The following TANC2 variants were observed in gnomAD, a reference collection of about 807,000 sequenced individuals.
The protein encoded by TANC2 is protein TANC2.
A neutral mutation model predicts 210.5 loss-of-function variants in TANC2; 26 were observed. The observed-to-expected ratio is 0.12, with a 90% CI of 0.09 to 0.17. TANC2 has a LOEUF of 0.17. TANC2 is among the 10% of genes least tolerant of loss of function. The pLI, the probability that TANC2 is intolerant of heterozygous loss-of-function variation, is 1.00. For synonymous variants in TANC2, 931 were observed against 967.1 expected, an observed-to-expected ratio of 0.96 and a Z score of 0.69; for missense variants, 2,129 against 2,608.9, an observed-to-expected ratio of 0.82 and a Z score of 4.01.
At chr17:63,084,937 A>C (rs2036905769) in intron 3 of TANC2, among the ~76,000 whole-genome samples, 5 of 152,088 alleles carry the variant, frequency 3.3e-5, no homozygotes, top group Admixed American at 3.3e-4. Flanking sequence ...GCTTGAAAAG[A>C]ATGTGTATTC....
intron 9 of TANC2, among the ~76,000 whole-genome samples, chr17:63,269,893 ATATTGAATT>A (rs1477637582): frequency 6.6e-6 from 1 of 152,202 alleles, no homozygotes; most frequent in East Asian, 1.9e-4. Context: ...CTCTGACTGA[ATATTGAATT>A]TCTAAAAATA....
chr17:63,050,680 C>T (rs899164607), intron 2 of TANC2, among the ~76,000 whole-genome samples: 3 of 152,010 alleles, frequency 2.0e-5, no homozygotes, highest in Non-Finnish European at 4.4e-5. Flanking sequence ...GAGAAGACTT[C>T]AAGAAAGAAA....
intron 4 of TANC2, chr17:63,120,813 CAAAAAAAAAAAA>C (rs58058892): frequency 9.6e-5 from 5 of 51,934 alleles, no homozygotes; most frequent in Middle Eastern, 0.017. Context: ...GACCCTGTCT[CAAAAAAAAAAAA>C]AAAAAAAAAA....
intron 1 of TANC2, among the ~76,000 whole-genome samples, chr17:62,988,297 T>G (rs2032679069): frequency 1.4e-5 from 2 of 144,726 alleles, no homozygotes; most frequent in Non-Finnish European, 3.0e-5. Context: ...CTGGCTAACT[T>G]TTTTTTTTTT....
chr17:62,997,846 C>T (rs2143670174), intron 1 of TANC2, among the ~76,000 whole-genome samples: 1 of 151,892 alleles, frequency 6.6e-6, no homozygotes, highest in Middle Eastern at 3.4e-3. Context: ...CACCACAAAA[C>T]CAAAAATGAG....
Position 63,070,484 on chromosome 17 carries a change from C to T in TANC2, c.68-3459C>T, listed in dbSNP as rs576095111. 8.5e-5 allele frequency among the ~76,000 whole-genome samples: 13 copies of T among 152,300 alleles called. No homozygotes were observed. The South Asian group carries it at 2.1e-3, about 24-fold the overall frequency. ...GACATCATTTGCAGAGCCGCCTTCT[C>T]ATCCTTACTGGCCTTACTCTCAAGT... On this transcript the variant is annotated intron_variant, in intron 2 of 27. Transcript: ENST00000689528.
rs1202367633 is a variant in TANC2, at chr17:63,104,285, A to G, written c.322+4928A>G. Among the ~76,000 whole-genome samples, 4 of 152,178 alleles carry G rather than the reference A, an allele frequency of 2.6e-5. No individual in the cohort carries two copies. In the East Asian group the frequency reaches 5.8e-4, roughly 22 times the overall value. ...TCCTTCCAAGATGCTTTCCCATAGT[A>G]TCATAAAGATCCTCAGCATAGATAG... On this transcript the variant is annotated intron_variant, in intron 4 of 27. Coordinates refer to ENST00000689528, the Ensembl canonical transcript of TANC2.
At chr17:63,118,003 G>A (rs1158354634) in intron 4 of TANC2, among the ~76,000 whole-genome samples, 2 of 152,122 alleles carry the variant, frequency 1.3e-5, no homozygotes, top group African/African-American at 4.8e-5. Flanking sequence ...AAAAGAATAT[G>A]CATTGCAGAG....
chr17:62,996,789 G>A (rs1173318623), intron 1 of TANC2, among the ~76,000 whole-genome samples: 1 of 150,814 alleles, frequency 6.6e-6, no homozygotes, highest in Non-Finnish European at 1.5e-5. Flanking sequence ...GCTTTCAGCA[G>A]ATATTCACTA....
At chr17:63,219,064 A>G (rs1302024233) in intron 7 of TANC2, among the ~76,000 whole-genome samples, 3 of 152,222 alleles carry the variant, frequency 2.0e-5, no homozygotes, top group Non-Finnish European at 2.9e-5. Context: ...TAAAAAATAC[A>G]TGACCTGCAC....
At chr17:63,187,835 C>A (rs1176909370) in intron 5 of TANC2, among the ~76,000 whole-genome samples, 1 of 151,878 alleles carries the variant, frequency 6.6e-6, no homozygotes, top group Non-Finnish European at 1.5e-5. Context: ...AAATTCAAGA[C>A]AGAAGACAAG....
chr17:63,103,319 T>G (rs1567724711), intron 4 of TANC2, among the ~76,000 whole-genome samples: 1 of 152,184 alleles, frequency 6.6e-6, no homozygotes, highest in Non-Finnish European at 1.5e-5. Flanking sequence ...CATTTCCAAA[T>G]AGTTTGACTC....
At chr17:63,332,927 A>G (rs2045905861) in intron 11 of TANC2, among the ~76,000 whole-genome samples, 1 of 152,130 alleles carries the variant, frequency 6.6e-6, no homozygotes, top group Admixed American at 6.5e-5. Flanking sequence ...TGTTTACAGC[A>G]TGGTTTACTG....
chr17:63,065,811 A>G (rs560951014), intron 2 of TANC2, among the ~76,000 whole-genome samples: 100 of 152,260 alleles, frequency 6.6e-4, no homozygotes, highest in Middle Eastern at 3.4e-3. Flanking sequence ...TATCAGATGT[A>G]TGGTTTGCAA....
intron 9 of TANC2, among the ~76,000 whole-genome samples, chr17:63,298,636 G>C (rs2044611681): frequency 6.6e-6 from 1 of 152,144 alleles, no homozygotes. Context: ...GAATGTACTA[G>C]ATGCCATTGA....
chr17:63,299,938 C>T (rs889453476), intron 9 of TANC2, among the ~76,000 whole-genome samples: 1 of 152,086 alleles, frequency 6.6e-6, no homozygotes, highest in African/African-American at 2.4e-5. Flanking sequence ...GGTCTTTAAT[C>T]CATCTTGAGT....
At chr17:63,199,052 T>G (rs1288124365) in intron 6 of TANC2, among the ~76,000 whole-genome samples, 1 of 152,160 alleles carries the variant, frequency 6.6e-6, no homozygotes, top group Non-Finnish European at 1.5e-5. Context: ...TTATAGTATT[T>G]AAATTAAAAT....
intron 4 of TANC2, among the ~76,000 whole-genome samples, chr17:63,129,404 C>T (rs2038834553): frequency 6.6e-6 from 1 of 152,152 alleles, no homozygotes; most frequent in South Asian, 2.1e-4. Context: ...TTTCAATTTC[C>T]TCTCTTATAA....
In TANC2 at chr17:63,348,191, A is replaced by C. The variant is rs564727710; in HGVS notation, c.1808-3059A>C. On this transcript the variant is annotated intron_variant, in intron 12 of 27. Transcript: ENST00000689528. ...AATTTCAACAATTCCTATATATACC[A>C]GTAAAAGAATCTCATGTGCCGAGAT... 5.3e-5 allele frequency among the ~76,000 whole-genome samples: 8 copies of C among 152,336 alleles called. No individual in the cohort carries two copies. In the South Asian group the frequency reaches 1.7e-3, roughly 32 times the overall value.
Sources: gnomAD v4.1 joint callset for allele counts (sites outside exome capture counted in the v4.1 genomes callset) on GRCh38, gnomAD v4.1.1 for gene constraint, MANE v1.5 for transcripts, NCBI Gene and HGNC (gene_info 2026-07-23, HGNC 2026-07-21) for gene names.